KLF12: variants seen among roughly 807,000 people sequenced by gnomAD.
KLF12 encodes the protein Krueppel-like factor 12.
A neutral mutation model predicts 37.8 loss-of-function variants in KLF12; 9 were observed. That is an observed-to-expected ratio of 0.24 (90% CI 0.14 to 0.42). The LOEUF (loss-of-function observed/expected upper bound fraction) is 0.42. Among genes scored for constraint, KLF12 ranks in the 10% least tolerant of loss-of-function variants. KLF12 has a pLI of 1.00. For synonymous variants in KLF12, 208 were observed against 202.1 expected, an observed-to-expected ratio of 1.03 and a Z score of -0.25; for missense variants, 411 against 516.0, an observed-to-expected ratio of 0.80 and a Z score of 1.97.
At chr13:73,816,463 C>T (rs1018170759) in intron 4 of KLF12, among the ~76,000 whole-genome samples, 4 of 152,202 alleles carry the variant, frequency 2.6e-5, no homozygotes, top group African/African-American at 9.6e-5. Flanking sequence ...AGGTGTCATT[C>T]CTCGGAGTTG....
chr13:74,292,701 A>AG, the KLF12 span, among the ~76,000 whole-genome samples: 3 of 152,128 alleles, frequency 2.0e-5, no homozygotes, highest in African/African-American at 7.2e-5. Flanking sequence ...CACTTTCTTC[A>AG]GGTCTCAGTT....
intron 3 of KLF12, among the ~76,000 whole-genome samples, chr13:73,943,317 CCTGCA>C (rs1890274093): frequency 2.0e-4 from 30 of 152,142 alleles, no homozygotes; most frequent in Admixed American, 2.0e-3. Context: ...AACCAATTAT[CCTGCA>C]CTTATGCTCT....
At chr13:74,155,715 A>G in the KLF12 span, among the ~76,000 whole-genome samples, 1 of 152,202 alleles carries the variant, frequency 6.6e-6, no homozygotes, top group African/African-American at 2.4e-5. Context: ...ACTGAAGATA[A>G]CTTAGTTCCT....
At chr13:74,045,497 G>T (rs1893518730) in intron 1 of KLF12, among the ~76,000 whole-genome samples, 1 of 151,982 alleles carries the variant, frequency 6.6e-6, no homozygotes, top group Non-Finnish European at 1.5e-5. Flanking sequence ...ACCTAATGTG[G>T]TATGCTAGAC....
At chr13:74,223,688 C>A in the KLF12 span, among the ~76,000 whole-genome samples, 1 of 152,150 alleles carries the variant, frequency 6.6e-6, no homozygotes, top group African/African-American at 2.4e-5. Flanking sequence ...CAAGGCTGAA[C>A]TGCATCAATA....
chr13:73,787,713 A>G (rs557470182), intron 5 of KLF12, among the ~76,000 whole-genome samples: 234 of 152,346 alleles, frequency 1.5e-3, no homozygotes, highest in Non-Finnish European at 3.0e-3. Flanking sequence ...TGTAGTGGGC[A>G]GTGGAGCATC....
chr13:74,150,200 A>G, the KLF12 span, among the ~76,000 whole-genome samples: 1 of 152,142 alleles, frequency 6.6e-6, no homozygotes, highest in East Asian at 1.9e-4. Flanking sequence ...TGCTCAATAT[A>G]TATCTACTGA....
At chr13:74,047,910 C>T (rs1429733870) in intron 1 of KLF12, among the ~76,000 whole-genome samples, 2 of 152,212 alleles carry the variant, frequency 1.3e-5, no homozygotes, top group Admixed American at 6.5e-5. Flanking sequence ...TTAGACATTA[C>T]TGAAGTTTCT....
rs143229224 is a variant in KLF12, at chr13:73,687,490, A to G, written c.*8000T>C. 4.6e-5 allele frequency: 7 copies of G among 152,362 alleles called. No individual in the cohort carries two copies. Among genetic ancestry groups the G allele is most frequent in the African/African-American group, 1.4e-4 (6 of 41,582 alleles). 9.4% of individuals were successfully genotyped at this position (152,362 alleles called of 1,614,324 possible). A position where few individuals can be genotyped will look rare whatever the true frequency, so the allele number is the denominator to read the frequency against. On this transcript the variant is annotated 3_prime_UTR_variant, in exon 8 of 8. Transcript: ENST00000377669. ...ATAAAGTTTGAGGAACAAAATATAC[A>G]CTATATTCTGGATGTAATTACAAAA...
At chr13:73,879,610 T>A (rs1411937222) in intron 3 of KLF12, among the ~76,000 whole-genome samples, 1 of 152,180 alleles carries the variant, frequency 6.6e-6, no homozygotes, top group African/African-American at 2.4e-5. Context: ...CACACATAAT[T>A]CTATCTACAT....
chr13:74,066,647 G>C (rs1873933649), intron 1 of KLF12, among the ~76,000 whole-genome samples: 1 of 152,100 alleles, frequency 6.6e-6, no homozygotes, highest in South Asian at 2.1e-4. Context: ...GAGCCCTTTA[G>C]ATAAATTATA....
intron 1 of KLF12, 26 bp from the exon 2 acceptor site, chr13:73,995,079 G>A (rs1892070413): frequency 4.6e-6 from 7 of 1,513,458 alleles, no homozygotes; most frequent in Non-Finnish European, 6.4e-6. Context: ...AAAGACAAAT[G>A]ATGAGAGAAA....
chr13:73,888,379 C>T (rs934945693), intron 3 of KLF12, among the ~76,000 whole-genome samples: 2 of 152,140 alleles, frequency 1.3e-5, no homozygotes, highest in Non-Finnish European at 2.9e-5. Context: ...ATTTTTATTA[C>T]AATAGTCCAG....
chr13:74,172,386 T>G, the KLF12 span, among the ~76,000 whole-genome samples: 3 of 152,110 alleles, frequency 2.0e-5, no homozygotes, highest in African/African-American at 7.2e-5. Flanking sequence ...CTAATAAAAA[T>G]ATATTATTCT....
intron 6 of KLF12, among the ~76,000 whole-genome samples, chr13:73,733,120 C>A (rs764415836): frequency 1.2e-4 from 19 of 152,134 alleles, no homozygotes; most frequent in Non-Finnish European, 2.4e-4. Context: ...TCCTTCCCCC[C>A]AGTCTTTTAT....
chr13:73,736,326 G>A (rs1877463285), intron 6 of KLF12, among the ~76,000 whole-genome samples: 2 of 152,140 alleles, frequency 1.3e-5, no homozygotes, highest in Admixed American at 1.3e-4. Context: ...TCTCTAGAAA[G>A]CCTGGAGTTT....
chr13:73,969,907 T>C (rs1366040439), intron 2 of KLF12, among the ~76,000 whole-genome samples: 1 of 152,220 alleles, frequency 6.6e-6, no homozygotes, highest in Non-Finnish European at 1.5e-5. Context: ...AACAAGCCTC[T>C]TGACCTACCT....
chr13:73,727,249 G>C (rs778379733), intron 6 of KLF12, among the ~76,000 whole-genome samples: 3 of 151,988 alleles, frequency 2.0e-5, no homozygotes, highest in African/African-American at 4.8e-5. Context: ...ATAAATATTT[G>C]GTGCTGTAAG....
At chr13:74,292,811 T>C in the KLF12 span, among the ~76,000 whole-genome samples, 5 of 152,200 alleles carry the variant, frequency 3.3e-5, no homozygotes, top group Non-Finnish European at 7.3e-5. Context: ...CCATTGCCAC[T>C]AGACATGATT....
Sources: allele counts gnomAD v4.1 joint callset (sites outside exome capture counted in the v4.1 genomes callset), GRCh38; gene constraint gnomAD v4.1.1; transcripts MANE v1.5; gene names NCBI Gene and HGNC (gene_info 2026-07-23, HGNC 2026-07-21).